SLTM: variants seen among roughly 807,000 people sequenced by gnomAD.
SLTM encodes the protein SAFB like transcription modulator.
In SLTM, 43 loss-of-function variants were observed where a neutral mutation model predicts 134.6. The ratio of observed to expected loss-of-function variants is 0.32; its 90% CI spans 0.25 to 0.41. The LOEUF (loss-of-function observed/expected upper bound fraction) is 0.41. SLTM is among the 10% of genes least tolerant of loss of function. The pLI is 1.00. For missense variants in SLTM, 1,055 were observed against 1,288.8 expected (o/e 0.82, Z 2.78); for synonymous variants, 424 against 432.3 (o/e 0.98, Z 0.24).
intron 2 of SLTM, among the ~76,000 whole-genome samples, chr15:58,928,106 G>T (rs2037611596): frequency 6.6e-6 from 1 of 152,088 alleles, no homozygotes; most frequent in East Asian, 1.9e-4. Context: ...AAGCTGCCAG[G>T]TATTGCAAAT....
At position 58,894,141 on chromosome 15, in the gene SLTM, C is replaced by T. The variant is rs2034887010; in HGVS notation, c.1430G>A (p.Ser477Asn). 2 of 1,611,994 alleles carry T rather than the reference C, an allele frequency of 1.2e-6. No individual in the cohort carries two copies. Among genetic ancestry groups the T allele is most frequent in the Non-Finnish European group, 1.7e-6 (2 of 1,179,154 alleles). Residue 477 changes from serine to asparagine, a missense_variant, in exon 11 of 21, where the codon AGT becomes AAT. Coordinates refer to ENST00000380516, the MANE Select transcript of SLTM (RefSeq NM_024755.4). ...KEMKKENDEK[S>N]SSRSSGDKKN... is the part of the protein sequence containing the mutation. ...TTTATCTCCAGAACTTCTTGAACTA[C>T]TCTTTTCATCATTTTCTTTCTTCAT...
At chr15:58,901,126 A>G (rs2035459432) in intron 6 of SLTM, 134 bp downstream of exon 6, 1 of 735,002 alleles carries the variant, frequency 1.4e-6, no homozygotes, top group East Asian at 2.8e-5. Flanking sequence ...TCAAGATGCT[A>G]ACTTAATTCA....
chr15:58,897,384 G>A (rs1324733151), intron 8 of SLTM, 151 bp from the exon 9 acceptor site: 1 of 547,186 alleles, frequency 1.8e-6, no homozygotes, highest in Non-Finnish European at 3.2e-6. Flanking sequence ...AAATCAAACA[G>A]ACAACATGAC....
chr15:58,882,458 GCAAAGGCAGTCA>G (rs2033818627), intron 20 of SLTM, among the ~76,000 whole-genome samples: 1 of 152,296 alleles, frequency 6.6e-6, no homozygotes, highest in South Asian at 2.1e-4. Context: ...GAAGGAGCCT[GCAAAGGCAGTCA>G]CAAAGGCAGA....
At chr15:58,925,965 A>G (rs2037427788) in intron 2 of SLTM, among the ~76,000 whole-genome samples, 1 of 152,212 alleles carries the variant, frequency 6.6e-6, no homozygotes, top group South Asian at 2.1e-4. Context: ...TAATCTAGAA[A>G]CTGACCAGCA....
chr15:58,906,855 C>T (rs535757852), intron 5 of SLTM, among the ~76,000 whole-genome samples: 2 of 152,300 alleles, frequency 1.3e-5, no homozygotes, highest in African/African-American at 4.8e-5. Context: ...GTATCTGAAG[C>T]ACTTAACTTT....
intron 4 of SLTM, 164 bp from the exon 5 acceptor site, chr15:58,912,774 C>A: frequency 7.2e-6 from 4 of 559,278 alleles, no homozygotes; most frequent in South Asian, 2.3e-5. Flanking sequence ...ATTTTTTATG[C>A]CAAAAAAAAT....
intron 15 of SLTM, 57 bp from the exon 16 acceptor site, chr15:58,889,611 T>A (rs1382203290): frequency 6.2e-6 from 10 of 1,600,902 alleles, no homozygotes; most frequent in Middle Eastern, 3.3e-4. Context: ...ATAAGATAAG[T>A]ATACATGCAA....
chr15:58,894,703 ATGTTT>A, intron 9 of SLTM, 121 bp from the exon 10 acceptor site: 1 of 678,752 alleles, frequency 1.5e-6, no homozygotes, highest in East Asian at 3.3e-5. Context: ...ATTCTGTCTC[ATGTTT>A]TTTTTTTTTT....
chr15:58,897,060 C>G (rs939240048), intron 9 of SLTM, 55 bp downstream of exon 9: 1 of 996,200 alleles, frequency 1.0e-6, no homozygotes, highest in Admixed American at 1.8e-5. Flanking sequence ...AGAATACAAT[C>G]CTCATTTCAA....
intron 3 of SLTM, among the ~76,000 whole-genome samples, chr15:58,915,726 G>C (rs1210885485): frequency 6.6e-6 from 1 of 151,956 alleles, no homozygotes; most frequent in African/African-American, 2.4e-5. Context: ...TGTGTGTGCA[G>C]CGTGGAGAGT....
intron 2 of SLTM, among the ~76,000 whole-genome samples, chr15:58,930,941 C>A (rs2141259103): frequency 6.6e-6 from 1 of 151,960 alleles, no homozygotes; most frequent in Admixed American, 6.6e-5. Context: ...TGTTTATTTT[C>A]AATGCTAAAA....
rs1422934478 is a variant in SLTM at position 58,890,312 on chromosome 15, C to T, written c.2048G>A (p.Arg683His). Residue 683 changes from arginine to histidine, a missense_variant, in exon 15 of 21, where the codon CGC becomes CAC. Arg to His is a conservative substitution (Grantham distance 29). Around this residue, in one of 3 missense-constraint regions of SLTM, gnomAD observed 776 missense variants for 962.2 expected, o/e 0.81. Transcript: ENST00000380516. ...KLERERMERE[R>H]LERERIRIEQ... ...AATACGAATGCGTTCCCTTTCCAAG[C>T]GTTCGCGTTCCATTCTCTCTCTCTC... 3.7e-6 allele frequency: 6 copies of T among 1,614,060 alleles called. No homozygotes were observed. Among genetic ancestry groups the T allele is most frequent in the Non-Finnish European group, 5.1e-6 (6 of 1,179,972 alleles).
intron 4 of SLTM, 34 bp from the exon 5 acceptor site, chr15:58,912,644 T>C (rs775495832): frequency 3.5e-5 from 54 of 1,555,168 alleles, no homozygotes; most frequent in Non-Finnish European, 4.6e-5. Flanking sequence ...CTTTGCTTTA[T>C]AAAATATCGG....
chr15:58,891,447 T>C (rs11071400), intron 14 of SLTM, among the ~76,000 whole-genome samples: 95,668 of 152,054 alleles, frequency 0.63, 32,007 homozygotes, highest in Middle Eastern at 0.79. Flanking sequence ...TTTGATATTA[T>C]TTCTATAATC....
intron 19 of SLTM, among the ~76,000 whole-genome samples, chr15:58,886,056 A>AC (rs1426694342): frequency 2.0e-5 from 3 of 152,194 alleles, no homozygotes; most frequent in Non-Finnish European, 2.9e-5. Flanking sequence ...CAGCTCATTA[A>AC]CTTACAAAAT....
At chr15:58,882,177 G>A (rs1161542924) in intron 20 of SLTM, among the ~76,000 whole-genome samples, 1 of 2,842 alleles carries the variant, frequency 3.5e-4, no homozygotes, top group East Asian at 0.17. Context: ...GCAAGACTCT[G>A]TCTCAAAAAA....
At chr15:58,888,688 C>G (rs2034421516) in intron 16 of SLTM, 133 bp from the exon 17 acceptor site, 2 of 717,100 alleles carry the variant, frequency 2.8e-6, no homozygotes, top group African/African-American at 1.8e-5. Context: ...CATAACACAT[C>G]AGGAGTACAA....
chr15:58,930,990 C>T (rs961491905), intron 2 of SLTM, among the ~76,000 whole-genome samples: 3 of 152,024 alleles, frequency 2.0e-5, no homozygotes, highest in Non-Finnish European at 4.4e-5. Flanking sequence ...ATGATTAATA[C>T]ACAGTACCTG....
Sources: allele counts gnomAD v4.1 joint callset (sites outside exome capture counted in the v4.1 genomes callset), GRCh38; gene constraint gnomAD v4.1.1; regional missense constraint gnomAD v4.1.1; transcripts MANE v1.5; gene names NCBI Gene and HGNC (gene_info 2026-07-23, HGNC 2026-07-21).